Variants in PGF observed in about 807,000 individuals in gnomAD.
PGF encodes the protein placental growth factor.
PGF carries 11 observed loss-of-function variants against 25.3 expected under a neutral mutation model. That is an observed-to-expected ratio of 0.43 (90% CI 0.27 to 0.72). The LOEUF (loss-of-function observed/expected upper bound fraction) is 0.72, where lower values mean the gene tolerates loss of function less well. Among genes scored for constraint, PGF ranks in the 30% least tolerant of loss-of-function variants. The pLI, the probability that PGF is intolerant of heterozygous loss-of-function variation, is 0.18. For synonymous variants in PGF, 105 were observed against 97.9 expected (o/e 1.07, Z -0.43); for missense variants, 230 against 234.9 (o/e 0.98, Z 0.14).
rs1428511353 is a variant in PGF at position 74,950,297 on chromosome 14, G to A, written c.119-744C>T. 6.6e-6 allele frequency among the ~76,000 whole-genome samples: 1 copy of A among 152,216 alleles called. No individual in the cohort carries two copies. Among genetic ancestry groups the A allele is most frequent in the Non-Finnish European group, 1.5e-5 (1 of 68,044 alleles). The stretch of plus-strand genomic sequence containing the variant: ...GTGCACACAGATGAGCCTCCCTTGA[G>A]CACTGCTTGGCCTCTGGCCTCAAGG... On this transcript the variant is annotated intron_variant, in intron 2 of 6. Coordinates refer to ENST00000555567, the MANE Select transcript of PGF (RefSeq NM_002632.6). This position sits in a 1 kb window ranked among gnomAD's most constrained non-coding sequence, Gnocchi z 4.1.
chr14:74,955,200 C>T lies in PGF; in HGVS notation c.43G>A (p.Ala15Thr). Residue 15 changes from alanine to threonine, a missense_variant, in exon 1 of 7, where the codon GCC (alanine) becomes ACC (threonine). Transcript: ENST00000555567. The surrounding 1 kb of genome is among the most constrained non-coding windows in gnomAD (Gnocchi z 4.1). ...RLFPCFLQLL[A>T]GLALPAVPPQ... ...GGCACAGCAGGCAGCGCCAGCCCGG[C>T]CAGGAGCTGCAGGAAGCAAGGGAAC... 6.7e-7 allele frequency: 1 copy of T among 1,489,392 alleles called. No individual in the cohort carries two copies. The highest frequency in any genetic ancestry group is 9.0e-7 in the Non-Finnish European group (1 of 1,112,082). The allele number at this position is 1,489,392 out of a possible 1,614,324, so 92.3% of individuals were successfully genotyped here.
intron 3 of PGF, among the ~76,000 whole-genome samples, chr14:74,949,057 G>A (rs1055358702): frequency 2.2e-4 from 34 of 152,178 alleles, no homozygotes; most frequent in Admixed American, 5.2e-4. Flanking sequence ...GCTTGAAAAG[G>A]GACCAAATGC....
At chr14:74,949,203 G>T (rs772336716) in intron 3 of PGF, among the ~76,000 whole-genome samples, 154 bp downstream of exon 3, 43 of 152,268 alleles carry the variant, frequency 2.8e-4, no homozygotes, top group Middle Eastern at 6.8e-3. Flanking sequence ...AGAGCCATCG[G>T]AGGGCTTAGG....
chr14:74,948,829 T>C (rs1437071023), intron 3 of PGF, among the ~76,000 whole-genome samples: 1 of 152,226 alleles, frequency 6.6e-6, no homozygotes, highest in Admixed American at 6.5e-5. Flanking sequence ...GCTCATGTTC[T>C]GGAGTCAGAG....
intron 1 of PGF, among the ~76,000 whole-genome samples, chr14:74,954,562 G>A (rs1447599252): frequency 2.0e-5 from 3 of 152,132 alleles, no homozygotes; most frequent in African/African-American, 7.2e-5. Flanking sequence ...GCCCAAGCTG[G>A]CTCCCAGCCA....
chr14:74,950,066 C>T lies in PGF; in HGVS notation c.119-513G>A, dbSNP rs573203361. ...CAAGACCACATCCAGCAATGTGGCC[C>T]GACCCTCCTCTCCACTGAGTCCAAC... On this transcript the variant is annotated intron_variant, in intron 2 of 6. Coordinates refer to ENST00000555567, the MANE Select transcript of PGF (RefSeq NM_002632.6). The surrounding 1 kb of genome is among the most constrained non-coding windows in gnomAD (Gnocchi z 4.1). Among the ~76,000 whole-genome samples, 10 of 152,264 alleles carry T rather than the reference C, an allele frequency of 6.6e-5. No homozygotes were observed. Among genetic ancestry groups the T allele is most frequent in the Admixed American group, 2.6e-4 (4 of 15,290 alleles).
At position 74,953,125 on chromosome 14, in the gene PGF, C is replaced by G. The variant is rs562369555; in HGVS notation, c.118+779G>C. On this transcript the variant is annotated intron_variant, in intron 2 of 6. Transcript: ENST00000555567. This position sits in a 1 kb window ranked among gnomAD's most constrained non-coding sequence, Gnocchi z 5.4. ...AGAGTATGGCCAGGCCCGGGAGAGG[C>G]GGGCTGCCAGGCAGGCAGCCCAGCA... is the stretch of plus-strand genomic sequence containing the variant. Among the ~76,000 whole-genome samples the G allele has an allele frequency of 1.3e-5, 2 of 152,200 alleles. No homozygotes were observed. Among genetic ancestry groups the G allele is most frequent in the Admixed American group, 6.5e-5 (1 of 15,290 alleles).
intron 6 of PGF, 86 bp downstream of exon 6, chr14:74,946,126 TC>T: frequency 8.1e-7 from 1 of 1,230,666 alleles, no homozygotes; most frequent in Non-Finnish European, 1.2e-6. Flanking sequence ...GTCCTGCCTC[TC>T]CCCCTCCCCA....
intron 3 of PGF, 75 bp from the exon 4 acceptor site, chr14:74,948,658 T>C (rs1888800507): frequency 6.5e-6 from 6 of 916,364 alleles, no homozygotes; most frequent in South Asian, 1.5e-5. Context: ...TCTCTCCTTG[T>C]AAGGAGAACC....
chr14:74,946,095 C>G, intron 6 of PGF, 118 bp downstream of exon 6: 1 of 834,766 alleles, frequency 1.2e-6, no homozygotes, highest in Non-Finnish European at 2.0e-6. Flanking sequence ...GCTCCCTGTT[C>G]TGCCCCCAAG....
chr14:74,944,488 C>A (rs193132342), intron 6 of PGF: 4 of 151,788 alleles, frequency 2.6e-5, no homozygotes, highest in African/African-American at 9.7e-5. Flanking sequence ...GAGTGTTCTA[C>A]AATAGCTTTG....
At chr14:74,948,202 G>T (rs1393968509) in intron 4 of PGF, 3 of 280,470 alleles carry the variant, frequency 1.1e-5, no homozygotes, top group East Asian at 6.2e-5. Flanking sequence ...CCCAGAGAAG[G>T]GGAACGACAC....
chr14:74,949,692 T>C (rs764562507), intron 2 of PGF, 139 bp from the exon 3 acceptor site: 36 of 544,702 alleles, frequency 6.6e-5, no homozygotes, highest in Middle Eastern at 5.0e-4. Flanking sequence ...GAACTCCTAA[T>C]GTGATCCCTC....
intron 4 of PGF, chr14:74,946,769 A>C (rs780963212): frequency 1.4e-6 from 1 of 711,980 alleles, no homozygotes; most frequent in Non-Finnish European, 2.6e-6. Context: ...TCCAGGGTGC[A>C]TTCTGGGAAT....
chr14:74,947,921 C>T (rs1888777759), intron 4 of PGF: 1 of 152,450 alleles, frequency 6.6e-6, no homozygotes, highest in East Asian at 1.9e-4. Context: ...ACCAATGTTC[C>T]AAGTGCCCCC....
chr14:74,948,722 G>A lies in PGF; in HGVS notation c.316-139C>T, dbSNP rs1169939795. 5 of 526,268 alleles carry A rather than the reference G, an allele frequency of 9.5e-6. No homozygotes were observed. In the East Asian group the frequency reaches 9.8e-5, roughly 10 times the overall value. 32.6% of individuals were successfully genotyped at this position (526,268 alleles called of 1,614,324 possible). A position where few individuals can be genotyped will look rare whatever the true frequency, so the allele number is the denominator to read the frequency against. ...TACAGGCCCTCACTCCACTCTGAAC[G>A]TGGGGCAAACAGCTCTCTCAGCTGC... On this transcript the variant is annotated intron_variant, in intron 3 of 6. Transcript: ENST00000555567.
chr14:74,943,556 A>G (rs575664425), intron 6 of PGF, among the ~76,000 whole-genome samples: 12 of 152,360 alleles, frequency 7.9e-5, no homozygotes, highest in African/African-American at 2.9e-4. Flanking sequence ...ATTGAGTGAC[A>G]TCTAGTCTCA....
chr14:74,955,214 A>T lies in PGF; in HGVS notation c.29T>A (p.Phe10Tyr). MPVMRLFPC[F>Y]LQLLAGLALP... is the part of the protein sequence containing the mutation. ...CGCCAGCCCGGCCAGGAGCTGCAGG[A>T]AGCAAGGGAACAGCCTCATGACCGG... Residue 10 changes from phenylalanine (F) to tyrosine (Y), a missense_variant, in exon 1 of 7, where the codon TTC (phenylalanine) becomes TAC (tyrosine). Phe to Tyr is a conservative substitution (Grantham distance 22, BLOSUM62 3). Transcript: ENST00000555567. The surrounding 1 kb of genome is among the most constrained non-coding windows in gnomAD (Gnocchi z 4.1). 1.3e-6 allele frequency: 2 copies of T among 1,488,302 alleles called. No homozygotes were observed. The highest frequency in any genetic ancestry group is 1.8e-6 in the Non-Finnish European group (2 of 1,111,578). The allele number at this position is 1,488,302 out of a possible 1,614,324, so 92.2% of individuals were successfully genotyped here.
chr14:74,943,608 A>G (rs1888651806), intron 6 of PGF, among the ~76,000 whole-genome samples: 1 of 152,226 alleles, frequency 6.6e-6, no homozygotes, highest in Non-Finnish European at 1.5e-5. Context: ...CCTTCTCATC[A>G]ATAAAAAAAT....
Sources: gnomAD v4.1 joint callset for allele counts (sites outside exome capture counted in the v4.1 genomes callset) on GRCh38, gnomAD v4.1.1 for gene constraint, Gnocchi (gnomAD v3.1) non-coding constraint, MANE v1.5 for transcripts, NCBI Gene and HGNC (gene_info 2026-07-23, HGNC 2026-07-21) for gene names.